Variants in CSMD3 observed in about 807,000 individuals in gnomAD.
CSMD3 encodes the protein CUB and Sushi multiple domains 3.
A neutral mutation model predicts 435.2 loss-of-function variants in CSMD3; 177 were observed. The observed-to-expected ratio is 0.41, with a 90% CI of 0.36 to 0.46. The LOEUF is 0.46. CSMD3 is among the 20% of genes least tolerant of loss of function. The pLI is 0.34. For synonymous variants in CSMD3, 1,656 were observed against 1,520.5 expected (o/e 1.09, Z -2.07); for missense variants, 4,265 against 4,504.6 (o/e 0.95, Z 1.52).
intron 10 of CSMD3, among the ~76,000 whole-genome samples, chr8:112,905,448 A>G (rs1172025417): frequency 6.6e-6 from 1 of 151,232 alleles, no homozygotes; most frequent in Admixed American, 6.6e-5. Context: ...AAAGACATTG[A>G]CTGCTTTTGT....
chr8:113,300,952 C>T (rs1337078170), intron 2 of CSMD3, among the ~76,000 whole-genome samples: 1 of 151,898 alleles, frequency 6.6e-6, no homozygotes, highest in East Asian at 1.9e-4. Flanking sequence ...CTCTTAGAAA[C>T]ATAAGGTTGA....
chr8:112,372,847 T>C (rs1270300074), intron 38 of CSMD3, among the ~76,000 whole-genome samples: 1 of 150,162 alleles, frequency 6.7e-6, no homozygotes, highest in African/African-American at 2.5e-5. Context: ...AGACTATGTC[T>C]CCAAAAATAG....
chr8:113,081,215 T>C (rs189949766), intron 5 of CSMD3, among the ~76,000 whole-genome samples: 51 of 152,304 alleles, frequency 3.3e-4, no homozygotes, highest in Admixed American at 9.8e-4. Flanking sequence ...TTTTATTTTT[T>C]CATGTTTCCG....
chr8:113,051,426 T>C (rs1190409969), intron 5 of CSMD3, among the ~76,000 whole-genome samples: 2 of 152,152 alleles, frequency 1.3e-5, no homozygotes, highest in African/African-American at 2.4e-5. Context: ...ACAATAATGG[T>C]CTTCTATAGA....
intron 54 of CSMD3, among the ~76,000 whole-genome samples, chr8:112,294,329 A>G (rs1320939632): frequency 1.3e-5 from 2 of 152,116 alleles, no homozygotes; most frequent in Admixed American, 1.3e-4. Context: ...AGTCCCATGT[A>G]TTGTTTATCT....
At position 112,320,072 on chromosome 8, in the gene CSMD3, T is replaced by TA. The variant is rs1255280781; in HGVS notation, c.7166-92dup. On this transcript the variant is annotated intron_variant, in intron 45 of 70. Coordinates refer to ENST00000297405, the MANE Select transcript of CSMD3 (RefSeq NM_198123.2). ...AACAAGAAAATTATGGAAAGTTGTT[T>TA]AAAAAAATAAAAATAAATTACATAA... 22 of 780,596 alleles carry TA rather than the reference T, an allele frequency of 2.8e-5. No individual in the cohort carries two copies. In the Admixed American group the frequency reaches 4.4e-4, roughly 16 times the overall value. 48.4% of individuals were successfully genotyped at this position (780,596 alleles called of 1,614,324 possible). A position where few individuals can be genotyped will look rare whatever the true frequency, so the allele number is the denominator to read the frequency against.
intron 24 of CSMD3, among the ~76,000 whole-genome samples, chr8:112,557,465 T>C (rs933083909): frequency 6.6e-6 from 1 of 151,922 alleles, no homozygotes; most frequent in African/African-American, 2.4e-5. Flanking sequence ...ACCATATGAT[T>C]AGAAGGTTGT....
chr8:112,628,852 G>T (rs2074430058), intron 22 of CSMD3, among the ~76,000 whole-genome samples: 1 of 152,126 alleles, frequency 6.6e-6, no homozygotes, highest in Non-Finnish European at 1.5e-5. Context: ...GACTTTAAAG[G>T]ATGAAGGGAT....
intron 2 of CSMD3, among the ~76,000 whole-genome samples, chr8:113,283,296 C>A (rs1327798368): frequency 6.6e-6 from 1 of 152,010 alleles, no homozygotes. Flanking sequence ...AGTAAGCAGA[C>A]AACCCACAGA....
Position 112,266,996 on chromosome 8 carries a change from AT to A in CSMD3, c.9509-1407del, listed in dbSNP as rs544320329. On this transcript the variant is annotated intron_variant, in intron 59 of 70. Transcript: ENST00000297405. The stretch of plus-strand genomic sequence containing the variant: ...TAATTTCTCCAGGTAAATCTGGGTT[AT>A]TTTTTTTCTCTCTCTCTCTGTCTAC... Among the ~76,000 whole-genome samples, 85 of 151,776 alleles carry A rather than the reference AT, an allele frequency of 5.6e-4. 1 individual carries two copies. The highest frequency in any genetic ancestry group is 1.0e-3 in the Non-Finnish European group (71 of 67,900).
intron 1 of CSMD3, among the ~76,000 whole-genome samples, chr8:113,356,090 A>G (rs1346533357): frequency 6.6e-6 from 1 of 151,340 alleles, no homozygotes; most frequent in African/African-American, 2.4e-5. Flanking sequence ...ATGGTCCAAT[A>G]CTCTTCATCC....
At chr8:112,241,490 G>A (rs1384634924) in intron 66 of CSMD3, among the ~76,000 whole-genome samples, 3 of 151,796 alleles carry the variant, frequency 2.0e-5, no homozygotes, top group African/African-American at 7.3e-5. Flanking sequence ...ACTCTTCAAG[G>A]GAAATTTTAA....
chr8:113,291,922 C>CTTCTACTTACTTCTAAGTAGAAG (rs561669416), intron 2 of CSMD3, among the ~76,000 whole-genome samples: 297 of 151,890 alleles, frequency 2.0e-3, no homozygotes, highest in African/African-American at 5.4e-3. Context: ...CAAGGTTCTA[C>CTTCTACTTACTTCTAAGTAGAAG]TTCTACTTAC....
At chr8:113,359,874 G>T (rs1486083203) in intron 1 of CSMD3, among the ~76,000 whole-genome samples, 1 of 152,150 alleles carries the variant, frequency 6.6e-6, no homozygotes, top group Non-Finnish European at 1.5e-5. Context: ...AAAGTATTCA[G>T]ACTTAAAATT....
intron 5 of CSMD3, among the ~76,000 whole-genome samples, chr8:113,079,558 C>T (rs575445040): frequency 2.0e-5 from 3 of 151,850 alleles, no homozygotes; most frequent in Admixed American, 6.6e-5. Flanking sequence ...GATTTGGTGA[C>T]CTTATTAGAG....
intron 13 of CSMD3, among the ~76,000 whole-genome samples, chr8:112,741,797 A>ATAGATAG (rs2077315351): frequency 1.6e-5 from 1 of 62,422 alleles, no homozygotes; most frequent in African/African-American, 3.9e-5. Context: ...TAGAGAGAAG[A>ATAGATAG]TAGATAGATA....
chr8:112,748,777 C>A (rs1386264264), intron 13 of CSMD3, among the ~76,000 whole-genome samples: 1 of 152,052 alleles, frequency 6.6e-6, no homozygotes, highest in Non-Finnish European at 1.5e-5. Flanking sequence ...TCTTTACTAT[C>A]GTGAACAGTG....
intron 13 of CSMD3, among the ~76,000 whole-genome samples, chr8:112,763,330 C>T (rs1407425363): frequency 6.6e-6 from 1 of 150,948 alleles, no homozygotes; most frequent in Non-Finnish European, 1.5e-5. Context: ...CAATTTGGTA[C>T]AGAGCTCAAG....
At chr8:112,854,653 C>G (rs2080594001) in intron 11 of CSMD3, among the ~76,000 whole-genome samples, 1 of 152,110 alleles carries the variant, frequency 6.6e-6, no homozygotes, top group South Asian at 2.1e-4. Flanking sequence ...TATGTGGAAG[C>G]TAGGGAATTC....
Sources: gnomAD v4.1 joint callset for allele counts (sites outside exome capture counted in the v4.1 genomes callset) on GRCh38, gnomAD v4.1.1 for gene constraint, MANE v1.5 for transcripts, NCBI Gene and HGNC (gene_info 2026-07-23, HGNC 2026-07-21) for gene names.